ZNF44: variants seen among roughly 807,000 people sequenced by gnomAD.
ZNF44 encodes zinc finger protein 44.
Under a neutral mutation model 11.7 loss-of-function variants are expected in ZNF44, and 9 were observed. The observed-to-expected ratio is 0.77, with a 90% CI of 0.46 to 1.35. The LOEUF (loss-of-function observed/expected upper bound fraction) is 1.35. ZNF44 is among the 40% of genes most tolerant of loss of function. The pLI is 0.00. For missense variants in ZNF44, 696 were observed against 743.1 expected (o/e 0.94, Z 0.74); for synonymous variants, 224 against 242.7 (o/e 0.92, Z 0.72).
At chr19:12,245,666 A>C (rs1916750403), downstream of ZNF44, among the ~76,000 whole-genome samples, 1 of 152,248 alleles carries the variant, frequency 6.6e-6, no homozygotes, top group African/African-American at 2.4e-5. Flanking sequence ...TCTTGTTTGA[A>C]TATAATCTAG....
chr19:12,274,708 T>A (rs192810929), intron 3 of ZNF44, among the ~76,000 whole-genome samples: 294 of 152,200 alleles, frequency 1.9e-3, no homozygotes, highest in Non-Finnish European at 3.5e-3. Flanking sequence ...GTGCTGGGAT[T>A]GCGGGCATGA....
At chr19:12,239,836 G>A (rs1272547198), upstream of ZNF44, among the ~76,000 whole-genome samples, 1 of 151,842 alleles carries the variant, frequency 6.6e-6, no homozygotes, top group Non-Finnish European at 1.5e-5. Context: ...GCTTCCCAAA[G>A]TGCTGGGATT....
intron 1 of ZNF44, chr19:12,237,231 G>T (rs1429894688): frequency 6.6e-6 from 1 of 152,346 alleles, no homozygotes; most frequent in African/African-American, 2.4e-5. Flanking sequence ...GCGCTGCCGA[G>T]AGGGCTCCGG....
At chr19:12,255,643 AT>A (rs1285179303) in intron 5 of ZNF44, among the ~76,000 whole-genome samples, 5 of 152,182 alleles carry the variant, frequency 3.3e-5, no homozygotes, top group Non-Finnish European at 7.3e-5. Context: ...CAGCATTTCT[AT>A]TCAACATGGG....
chr19:12,268,587 A>G (rs371036368), downstream of ZNF44, among the ~76,000 whole-genome samples: 11 of 151,720 alleles, frequency 7.3e-5, no homozygotes, highest in East Asian at 1.2e-3. Flanking sequence ...TTTAACTTAC[A>G]CTGTTATTTA....
intron 5 of ZNF44, among the ~76,000 whole-genome samples, chr19:12,254,249 T>C (rs1350268310): frequency 6.6e-6 from 1 of 151,328 alleles, no homozygotes; most frequent in Non-Finnish European, 1.5e-5. Flanking sequence ...AATGACAATA[T>C]AAAAATCAAT....
At chr19:12,253,731 G>A (rs770018885) in intron 5 of ZNF44, among the ~76,000 whole-genome samples, 5 of 152,006 alleles carry the variant, frequency 3.3e-5, no homozygotes, top group Non-Finnish European at 7.4e-5. Flanking sequence ...TATAATCCCA[G>A]CACTTTGGGG....
At chr19:12,252,564 G>A (rs1411695776) in intron 5 of ZNF44, among the ~76,000 whole-genome samples, 1 of 152,160 alleles carries the variant, frequency 6.6e-6, no homozygotes, top group African/African-American at 2.4e-5. Context: ...CAACATATAA[G>A]TACAGTTTAT....
intron 1 of ZNF44, among the ~76,000 whole-genome samples, chr19:12,286,458 A>AC (rs1967754575): frequency 1.3e-5 from 2 of 151,770 alleles, no homozygotes; most frequent in South Asian, 4.2e-4. Flanking sequence ...AGATGATGAA[A>AC]CCCCGTCTCT....
At chr19:12,248,385 GTTCTT>G (rs1372917797) in exon 8 of ZNF44, 2 of 1,290,948 alleles carry the variant, frequency 1.5e-6, no homozygotes, top group East Asian at 5.5e-5. Flanking sequence ...TGCACTGTGT[GTTCTT>G]TTATGTTTTT....
chr19:12,254,908 A>T (rs1917177978), intron 5 of ZNF44, among the ~76,000 whole-genome samples: 1 of 152,044 alleles, frequency 6.6e-6, no homozygotes, highest in South Asian at 2.1e-4. Context: ...GCAACCTGGC[A>T]AAACCCCATC....
intron 5 of ZNF44, among the ~76,000 whole-genome samples, chr19:12,262,237 A>T (rs1488560313): frequency 2.0e-5 from 3 of 152,096 alleles, no homozygotes; most frequent in Admixed American, 6.6e-5. Flanking sequence ...TTGAATTTTC[A>T]TCTTATCAAT....
downstream of ZNF44, among the ~76,000 whole-genome samples, chr19:12,269,204 G>A (rs151023362): frequency 9.2e-5 from 14 of 152,248 alleles, no homozygotes; most frequent in East Asian, 2.7e-3. Flanking sequence ...TGCATGACAT[G>A]AGAAAAATTG....
chr19:12,271,070 C>A (rs57246695), downstream of ZNF44, among the ~76,000 whole-genome samples: 952 of 126,586 alleles, frequency 7.5e-3, 5 homozygotes, highest in African/African-American at 0.019. Flanking sequence ...GATGATGATG[C>A]TGCTGATGAT....
At chr19:12,248,701 T>A in intron 7 of ZNF44, 1 of 1,173,648 alleles carries the variant, frequency 8.5e-7, no homozygotes. Flanking sequence ...AGTAGCACAT[T>A]AATAGTTCAT....
chr19:12,249,825 T>A (rs1167847423), intron 7 of ZNF44, among the ~76,000 whole-genome samples: 1 of 152,222 alleles, frequency 6.6e-6, no homozygotes, highest in African/African-American at 2.4e-5. Context: ...GTGCTGGGAT[T>A]ACAGGCATGA....
At chr19:12,249,914 A>C (rs1228073806) in intron 7 of ZNF44, 1 of 1,098,202 alleles carries the variant, frequency 9.1e-7, no homozygotes, top group African/African-American at 1.7e-5. Context: ...TTTAATTATC[A>C]AATTTAATGA....
chr19:12,266,135 G>T, intron 5 of ZNF44: 1 of 529,896 alleles, frequency 1.9e-6, no homozygotes, highest in Non-Finnish European at 2.4e-6. Flanking sequence ...CTGCGGCCAA[G>T]GGGACCGAGG....
At chr19:12,231,533 A>C (rs902073191) in intron 2 of ZNF44, among the ~76,000 whole-genome samples, 2 of 152,212 alleles carry the variant, frequency 1.3e-5, no homozygotes, top group African/African-American at 4.8e-5. Flanking sequence ...CAATTGCAAC[A>C]GATCATGAGA....
Sources: gnomAD v4.1 joint callset for allele counts (sites outside exome capture counted in the v4.1 genomes callset) on GRCh38, gnomAD v4.1.1 for gene constraint, MANE v1.5 for transcripts, NCBI Gene and HGNC (gene_info 2026-07-23, HGNC 2026-07-21) for gene names.